Variants in FARP1 observed in about 807,000 individuals in gnomAD.
FARP1 encodes FERM, ARHGEF and pleckstrin domain-containing protein 1.
In FARP1, 52 loss-of-function variants were observed where a neutral mutation model predicts 128.8. That is an observed-to-expected ratio of 0.40 (90% CI 0.32 to 0.51). FARP1 has a LOEUF of 0.51. FARP1 is among the 20% of genes least tolerant of loss of function. FARP1 has a pLI of 0.45. For synonymous variants in FARP1, 580 were observed against 551.8 expected (o/e 1.05, Z -0.72); for missense variants, 1,333 against 1,367.9 (o/e 0.97, Z 0.40).
intron 2 of FARP1, among the ~76,000 whole-genome samples, chr13:98,308,623 G>A (rs764558193): frequency 2.6e-5 from 4 of 152,190 alleles, no homozygotes; most frequent in Non-Finnish European, 5.9e-5. Flanking sequence ...AAGAATGTAA[G>A]ATAACTCAGT....
intron 2 of FARP1, among the ~76,000 whole-genome samples, chr13:98,247,539 CAGAG>C (rs1883130725): frequency 6.6e-6 from 1 of 152,138 alleles, no homozygotes; most frequent in African/African-American, 2.4e-5. Flanking sequence ...TGGTGTGAAA[CAGAG>C]AGAGCTATTT....
intron 2 of FARP1, among the ~76,000 whole-genome samples, chr13:98,236,722 G>A (rs1366304806): frequency 6.6e-6 from 1 of 152,182 alleles, no homozygotes; most frequent in Non-Finnish European, 1.5e-5. Flanking sequence ...AGGCGTGGTG[G>A]CTCACGCCTG....
In FARP1 at chr13:98,176,234, G is replaced by A. The variant is rs1363339553; in HGVS notation, c.-24+32742G>A. ...GAATTATGGGAAACCTAAGCCATGG[G>A]AATTGGACACTCATGGGGGTCTTCT... On this transcript the variant is annotated intron_variant, in intron 1 of 26. Coordinates refer to ENST00000319562, the MANE Select transcript of FARP1 (RefSeq NM_005766.4). The surrounding 1 kb of genome is among the most constrained non-coding windows in gnomAD (Gnocchi z 6.2). 1.2e-6 allele frequency: 2 copies of A among 1,606,738 alleles called. No homozygotes were observed. The highest frequency in any genetic ancestry group is 1.7e-6 in the Non-Finnish European group (2 of 1,173,946).
chr13:98,446,469 A>C, intron 25 of FARP1, 197 bp from the exon 26 acceptor site: 1 of 621,630 alleles, frequency 1.6e-6, no homozygotes, highest in South Asian at 2.0e-5. Flanking sequence ...GGCTTTATCT[A>C]CAGCTCAGTC....
intron 6 of FARP1, chr13:98,381,499 T>A (rs1889886520): frequency 6.6e-6 from 1 of 152,242 alleles, no homozygotes; most frequent in Non-Finnish European, 1.5e-5. Context: ...TGGCCTTGCA[T>A]CTTCCCTGCA....
chr13:98,275,237 T>C (rs1884580314), intron 2 of FARP1, among the ~76,000 whole-genome samples: 1 of 152,024 alleles, frequency 6.6e-6, no homozygotes. Context: ...TCAGATTCCT[T>C]TTCAAAAGTA....
intron 2 of FARP1, among the ~76,000 whole-genome samples, chr13:98,261,139 C>T (rs376757662): frequency 1.3e-5 from 2 of 152,298 alleles, no homozygotes; most frequent in Admixed American, 6.5e-5. Context: ...TGATGGGGCA[C>T]GCTGCTCATG....
Position 98,384,791 on chromosome 13 carries a change from A to T in FARP1, c.558A>T (p.Ile186=). The T allele has an allele frequency of 1.2e-6, 2 of 1,613,786 alleles. No individual in the cohort carries two copies. Among genetic ancestry groups the T allele is most frequent in the Non-Finnish European group, 1.7e-6 (2 of 1,179,806 alleles). The change falls in exon 7 of 27, where the codon ATA becomes ATT. Residue 186 remains isoleucine (I), a synonymous_variant. Coordinates refer to ENST00000319562, the MANE Select transcript of FARP1 (RefSeq NM_005766.4). The stretch of plus-strand genomic sequence containing the variant: ...AGCACTTAGCAAAAAATAAATACAT[A>T]CCTCAGCAAGACGCACTAGAGGACA... ...DREHLAKNKY[I]PQQDALEDKI... is the part of the protein sequence containing the mutation.
intron 1 of FARP1, among the ~76,000 whole-genome samples, chr13:98,146,525 G>C (rs905994448): frequency 5.3e-5 from 8 of 152,210 alleles, no homozygotes; most frequent in Admixed American, 2.0e-4. Context: ...ACAGAGCCTG[G>C]CCTTGCCTGA....
rs1422575912 is a variant in FARP1, at chr13:98,393,816, T to C, written c.1164+98T>C. 6 of 876,404 alleles carry C rather than the reference T, an allele frequency of 6.8e-6. No homozygotes were observed. The Admixed American group carries it at 1.2e-4, about 18-fold the overall frequency. 54.3% of individuals were successfully genotyped at this position (876,404 alleles called of 1,614,324 possible). On this transcript the variant is annotated intron_variant, in intron 12 of 26. Coordinates refer to ENST00000319562, the MANE Select transcript of FARP1 (RefSeq NM_005766.4). ...GCGGGCTTTCTTGTTCTCTGTCCTT[T>C]CCTTTGGGGTTTTTAGCAGATGAGA...
chr13:98,426,384 G>C (rs1373653356), intron 17 of FARP1, among the ~76,000 whole-genome samples: 2 of 152,334 alleles, frequency 1.3e-5, no homozygotes, highest in East Asian at 3.9e-4. Context: ...CAGCTACTCA[G>C]GGGGCTGAGG....
intron 2 of FARP1, among the ~76,000 whole-genome samples, chr13:98,256,846 C>T (rs986184029): frequency 2.1e-5 from 3 of 145,642 alleles, no homozygotes; most frequent in African/African-American, 7.5e-5. Context: ...AGGCGTGAGC[C>T]ACCACACTTG....
In FARP1 at chr13:98,278,500, C is replaced by A. The variant is rs1301030819; in HGVS notation, c.171+65087C>A. On this transcript the variant is annotated intron_variant, in intron 2 of 26. Coordinates refer to ENST00000319562, the MANE Select transcript of FARP1 (RefSeq NM_005766.4). ...GTGTGTTGTGTAACTCACCAGATGACCCTAATGTGCAAACAGGGTTGAGAT... is the reference window on the plus strand; with the variant it reads ...GTGTGTTGTGTAACTCACCAGATGAACCTAATGTGCAAACAGGGTTGAGAT... Among the ~76,000 whole-genome samples, 5 of 152,062 alleles carry A rather than the reference C, an allele frequency of 3.3e-5. No homozygotes were observed. In the East Asian group the frequency reaches 9.6e-4, roughly 29 times the overall value.
chr13:98,209,712 G>A (rs1490583954), intron 1 of FARP1, among the ~76,000 whole-genome samples: 7 of 140,894 alleles, frequency 5.0e-5, no homozygotes, highest in Non-Finnish European at 7.6e-5. Context: ...CAGGAGAATC[G>A]CTTGAACCTG....
intron 7 of FARP1, 109 bp downstream of exon 7, chr13:98,384,953 C>A: frequency 1.5e-6 from 1 of 686,116 alleles, no homozygotes; most frequent in Admixed American, 2.3e-5. Context: ...TGGAGAACAA[C>A]ACAAAGCGTG....
At position 98,151,269 on chromosome 13, in the gene FARP1, G is replaced by A. The variant is rs144268361; in HGVS notation, c.-24+7777G>A. Among the ~76,000 whole-genome samples the A allele has an allele frequency of 2.9e-4, 44 of 152,254 alleles. No homozygotes were observed. The East Asian group carries it at 8.3e-3, about 29-fold the overall frequency. ...ATGCATACATTCAAGTTTACCACAG[G>A]TATGTAAGTACAGGAGAACACAGAG... On this transcript the variant is annotated intron_variant, in intron 1 of 26. Transcript: ENST00000319562.
chr13:98,249,723 G>C (rs1293080017), intron 2 of FARP1, among the ~76,000 whole-genome samples: 1 of 152,066 alleles, frequency 6.6e-6, no homozygotes, highest in African/African-American at 2.4e-5. Context: ...TATCACACAG[G>C]CCTTGTGTTT....
At chr13:98,435,999 A>AT in intron 19 of FARP1, 7 of 379,888 alleles carry the variant, frequency 1.8e-5, no homozygotes, top group South Asian at 2.5e-5. Flanking sequence ...TGCTTATTTT[A>AT]TTTTTTTTAA....
At chr13:98,322,171 G>A (rs1218639107) in intron 2 of FARP1, among the ~76,000 whole-genome samples, 1 of 152,196 alleles carries the variant, frequency 6.6e-6, no homozygotes, top group Non-Finnish European at 1.5e-5. Context: ...GGTGGCAGGT[G>A]CCTGTAATCC....
Sources: allele counts gnomAD v4.1 joint callset (sites outside exome capture counted in the v4.1 genomes callset), GRCh38; gene constraint gnomAD v4.1.1; non-coding constraint Gnocchi (gnomAD v3.1); transcripts MANE v1.5; gene names NCBI Gene and HGNC (gene_info 2026-07-23, HGNC 2026-07-21).